NEK11: variants seen among roughly 807,000 people sequenced by gnomAD.
NEK11 encodes the protein serine/threonine-protein kinase Nek11.
Under a neutral mutation model 80.7 loss-of-function variants are expected in NEK11, and 72 were observed. That is an observed-to-expected ratio of 0.89 (90% confidence interval 0.74 to 1.08). The LOEUF is 1.08. Among genes scored for constraint, NEK11 ranks in the 50% least tolerant of loss-of-function variants. The pLI is 0.00. For synonymous variants in NEK11, 251 were observed against 260.7 expected, an observed-to-expected ratio of 0.96 and a Z score of 0.36; for missense variants, 764 against 763.6, an observed-to-expected ratio of 1.00 and a Z score of -0.01.
chr3:131,273,591 C>A lies in NEK11; in HGVS notation c.1718+17C>A, dbSNP rs370074419. 1.6e-5 allele frequency: 26 copies of A among 1,586,454 alleles called. No individual in the cohort carries two copies. Among genetic ancestry groups the A allele is most frequent in the Admixed American group, 1.2e-4 (7 of 59,876 alleles). Reference sequence around the variant, plus strand: ...CATGAGGGAGTAAGTAGCATGTTGCCTGCCCCCTAGGAAGGTGCAGTGTTA... The same window carrying A: ...CATGAGGGAGTAAGTAGCATGTTGCATGCCCCCTAGGAAGGTGCAGTGTTA... On this transcript the variant is annotated intron_variant, in intron 17 of 17. Coordinates refer to ENST00000383366, the MANE Select transcript of NEK11 (RefSeq NM_024800.5).
chr3:131,340,091 G>A lies in NEK11; in HGVS notation c.1719-9466G>A, dbSNP rs1274403766. 3.3e-5 allele frequency among the ~76,000 whole-genome samples: 5 copies of A among 152,138 alleles called. No individual in the cohort carries two copies. The East Asian group carries it at 9.6e-4, about 29-fold the overall frequency. On this transcript the variant is annotated intron_variant, in intron 17 of 17. Coordinates refer to ENST00000383366, the MANE Select transcript of NEK11 (RefSeq NM_024800.5). ...CAGGCAGTGTTATTGGACAATTGGG[G>A]GAAATCTGAATGTTTCCATATACAA...
At chr3:131,058,364 C>G (rs559249673) in intron 3 of NEK11, among the ~76,000 whole-genome samples, 2 of 152,156 alleles carry the variant, frequency 1.3e-5, no homozygotes, top group Middle Eastern at 3.4e-3. Context: ...ACTGACTTGG[C>G]GATGCGGGCT....
At chr3:131,289,932 G>A (rs1261206839) in intron 17 of NEK11, among the ~76,000 whole-genome samples, 1 of 152,204 alleles carries the variant, frequency 6.6e-6, no homozygotes. Context: ...CAAAGATGGA[G>A]ACAGAACTCT....
intron 17 of NEK11, among the ~76,000 whole-genome samples, chr3:131,306,808 C>T (rs1031875068): frequency 5.3e-5 from 8 of 152,160 alleles, no homozygotes; most frequent in African/African-American, 1.9e-4. Flanking sequence ...ATTATGGGGA[C>T]CCTGTATAAC....
chr3:131,338,265 G>GTTTTTTTTTTTTTTTTTTT lies in NEK11; in HGVS notation c.1719-11292_1719-11291insTTTTTTTTTTTTTTTTTTT, dbSNP rs1554023900. ...CAGGCATGAGCCACGGCGCCCAGCT[G>GTTTTTTTTTTTTTTTTTTT]GTTTTTTTTTTTTTTTTTTTTTTTT... On this transcript the variant is annotated intron_variant, in intron 17 of 17. Coordinates refer to ENST00000383366, the MANE Select transcript of NEK11 (RefSeq NM_024800.5). 2.2e-5 allele frequency among the ~76,000 whole-genome samples: 2 copies of GTTTTTTTTTTTTTTTTTTT among 91,608 alleles called. 1 individual carries two copies. The allele number at this position is 91,608 out of a possible 152,430, so 60.1% of individuals were successfully genotyped here.
intron 16 of NEK11, among the ~76,000 whole-genome samples, chr3:131,264,199 C>A (rs1401483543): frequency 6.6e-6 from 1 of 152,150 alleles, no homozygotes; most frequent in Non-Finnish European, 1.5e-5. Flanking sequence ...TTTTGCTGTG[C>A]AGAAGCTCTT....
intron 3 of NEK11, among the ~76,000 whole-genome samples, chr3:131,045,108 C>T (rs1478142703): frequency 3.9e-5 from 6 of 152,146 alleles, no homozygotes; most frequent in Non-Finnish European, 8.8e-5. Flanking sequence ...CTCTGGGACA[C>T]AGCTAGGGCA....
At chr3:131,177,700 G>T (rs2093112280) in intron 14 of NEK11, among the ~76,000 whole-genome samples, 2 of 152,116 alleles carry the variant, frequency 1.3e-5, no homozygotes, top group African/African-American at 4.8e-5. Context: ...CCCTAGCGTA[G>T]GTTGAAAAAC....
intron 17 of NEK11, among the ~76,000 whole-genome samples, chr3:131,327,948 G>A: frequency 6.6e-6 from 1 of 152,208 alleles, no homozygotes; most frequent in East Asian, 1.9e-4. Flanking sequence ...AGAGGCTTGT[G>A]GCTACATCTG....
At chr3:131,332,035 A>G (rs2097096455) in intron 17 of NEK11, among the ~76,000 whole-genome samples, 1 of 152,232 alleles carries the variant, frequency 6.6e-6, no homozygotes, top group Non-Finnish European at 1.5e-5. Context: ...CTCTGGGGGC[A>G]GGGCACAGAC....
intron 12 of NEK11, among the ~76,000 whole-genome samples, chr3:131,168,500 G>A (rs1433961350): frequency 4.0e-5 from 6 of 150,248 alleles, no homozygotes; most frequent in Non-Finnish European, 8.9e-5. Context: ...GGGACTACAG[G>A]CGCCCGCCAC....
At chr3:131,134,221 T>C (rs1003170062) in intron 7 of NEK11, 1 of 291,824 alleles carries the variant, frequency 3.4e-6, no homozygotes, top group South Asian at 1.5e-4. Context: ...TAATGTACCA[T>C]AAGCATTAAA....
intron 3 of NEK11, among the ~76,000 whole-genome samples, chr3:131,058,710 G>A (rs2070177134): frequency 6.6e-6 from 1 of 152,124 alleles, no homozygotes; most frequent in Non-Finnish European, 1.5e-5. Context: ...TCCCTTAAGA[G>A]ATTCATAATA....
At chr3:131,158,969 T>C (rs1172855492) in intron 10 of NEK11, among the ~76,000 whole-genome samples, 2 of 152,040 alleles carry the variant, frequency 1.3e-5, no homozygotes, top group Non-Finnish European at 2.9e-5. Context: ...AGAGCAAAAT[T>C]GGGGCCCAGT....
intron 4 of NEK11, among the ~76,000 whole-genome samples, chr3:131,090,787 T>C (rs945964540): frequency 6.6e-6 from 1 of 152,180 alleles, no homozygotes; most frequent in African/African-American, 2.4e-5. Context: ...TTTTTTGAGA[T>C]TGGGGTTTCA....
intron 17 of NEK11, among the ~76,000 whole-genome samples, chr3:131,300,928 G>T (rs2109178449): frequency 6.6e-6 from 1 of 152,148 alleles, no homozygotes; most frequent in East Asian, 1.9e-4. Context: ...GTCATTATTA[G>T]TTTGATAGGA....
chr3:131,112,865 A>G (rs1353825299), intron 5 of NEK11, among the ~76,000 whole-genome samples: 1 of 152,186 alleles, frequency 6.6e-6, no homozygotes, highest in Non-Finnish European at 1.5e-5. Flanking sequence ...TTGCAAAGGT[A>G]GGCTGAGGTC....
At chr3:131,040,476 ATGTCAAT>A (rs1444640518) in intron 3 of NEK11, among the ~76,000 whole-genome samples, 1 of 152,208 alleles carries the variant, frequency 6.6e-6, no homozygotes, top group Non-Finnish European at 1.5e-5. Context: ...GCAGTGTATT[ATGTCAAT>A]TGTACCTTAA....
Position 131,107,929 on chromosome 3 carries a change from A to G in NEK11, c.337-1874A>G, listed in dbSNP as rs562835746. 5.3e-5 allele frequency among the ~76,000 whole-genome samples: 8 copies of G among 152,272 alleles called. 1 individual carries two copies. In the South Asian group the frequency reaches 8.3e-4, roughly 16 times the overall value. The stretch of plus-strand genomic sequence containing the variant: ...GAGAGTACAGCTTGTATGGCTCAAC[A>G]GAATTCTGATAAACTCAAGGAGTAA... On this transcript the variant is annotated intron_variant, in intron 4 of 17. Coordinates refer to ENST00000383366, the MANE Select transcript of NEK11 (RefSeq NM_024800.5).
Sources: gnomAD v4.1 joint callset for allele counts (sites outside exome capture counted in the v4.1 genomes callset) on GRCh38, gnomAD v4.1.1 for gene constraint, MANE v1.5 for transcripts, NCBI Gene and HGNC (gene_info 2026-07-23, HGNC 2026-07-21) for gene names.